CHCHD3: variants seen among roughly 807,000 people sequenced by gnomAD.
CHCHD3 encodes the protein coiled-coil-helix-coiled-coil-helix domain containing 3, also known as MICOS complex subunit MIC19.
CHCHD3 carries 20 observed loss-of-function variants against 38.2 expected under a neutral mutation model. The ratio of observed to expected loss-of-function variants is 0.52; its 90% confidence interval spans 0.37 to 0.76. The LOEUF is 0.76. Among genes scored for constraint, CHCHD3 ranks in the 30% least tolerant of loss-of-function variants. CHCHD3 has a pLI of 0.00. For missense variants in CHCHD3, 245 were observed against 279.2 expected (o/e 0.88, Z 0.87); for synonymous variants, 82 against 100.0 (o/e 0.82, Z 1.07).
rs116146690 is a variant in CHCHD3 at position 132,831,277 on chromosome 7, T to C, written c.524+7122A>G. Among the ~76,000 whole-genome samples, 442 of 152,312 alleles carry C rather than the reference T, an allele frequency of 2.9e-3. 1 individual carries two copies. The highest frequency in any genetic ancestry group is 0.01 in the African/African-American group (423 of 41,574). On this transcript the variant is annotated intron_variant, in intron 6 of 7. Transcript: ENST00000262570. ...AGCAGAAACCAAGTCAACTTGATCATTTAGAATTTGATCAATGTGAATTAG... is the reference window on the plus strand; with the variant it reads ...AGCAGAAACCAAGTCAACTTGATCACTTAGAATTTGATCAATGTGAATTAG...
At chr7:133,017,753 A>C (rs1813068390) in intron 3 of CHCHD3, among the ~76,000 whole-genome samples, 1 of 152,252 alleles carries the variant, frequency 6.6e-6, no homozygotes, top group Non-Finnish European at 1.5e-5. Context: ...ACAACAGTGT[A>C]GCATCAGTAG....
intron 4 of CHCHD3, among the ~76,000 whole-genome samples, chr7:132,928,278 T>C (rs1030352509): frequency 1.3e-5 from 2 of 152,270 alleles, no homozygotes; most frequent in East Asian, 1.9e-4. Context: ...CCAATTAACT[T>C]AGGGAAGCAA....
intron 4 of CHCHD3, among the ~76,000 whole-genome samples, chr7:132,945,703 T>C (rs1323781983): frequency 2.6e-5 from 4 of 151,892 alleles, no homozygotes; most frequent in Admixed American, 2.0e-4. Flanking sequence ...AAAGAACTTA[T>C]AAAAAGAAAA....
At chr7:132,987,005 T>A (rs1812140006) in intron 3 of CHCHD3, among the ~76,000 whole-genome samples, 1 of 152,204 alleles carries the variant, frequency 6.6e-6, no homozygotes, top group South Asian at 2.1e-4. Context: ...ATCAATGATT[T>A]GTCCCTGAAA....
intron 4 of CHCHD3, among the ~76,000 whole-genome samples, chr7:132,967,774 G>A (rs1811508528): frequency 6.0e-5 from 9 of 150,358 alleles, no homozygotes; most frequent in Admixed American, 6.0e-4. Context: ...AGGCTGCAAT[G>A]AGCCGTGATC....
chr7:132,803,030 A>G (rs1806830071), intron 6 of CHCHD3, among the ~76,000 whole-genome samples: 1 of 152,182 alleles, frequency 6.6e-6, no homozygotes, highest in African/African-American at 2.4e-5. Context: ...TAACGCTGTA[A>G]TAAAAACAAG....
intron 5 of CHCHD3, among the ~76,000 whole-genome samples, chr7:132,860,146 A>G (rs1044244116): frequency 6.6e-6 from 1 of 152,016 alleles, no homozygotes; most frequent in Non-Finnish European, 1.5e-5. Flanking sequence ...GATGGCGCGC[A>G]TCTGTAGTCC....
chr7:133,049,498 A>C (rs1814089010), intron 2 of CHCHD3, among the ~76,000 whole-genome samples: 1 of 152,232 alleles, frequency 6.6e-6, no homozygotes, highest in Non-Finnish European at 1.5e-5. Context: ...GAAGACTATA[A>C]TGTGCTTGTT....
At chr7:132,807,486 T>G (rs1806953652) in intron 6 of CHCHD3, among the ~76,000 whole-genome samples, 1 of 151,718 alleles carries the variant, frequency 6.6e-6, no homozygotes, top group Non-Finnish European at 1.5e-5. Context: ...TAATGAGTAA[T>G]GGAAAATGGA....
chr7:132,965,616 T>A (rs1021314330), intron 4 of CHCHD3, among the ~76,000 whole-genome samples: 2 of 152,070 alleles, frequency 1.3e-5, no homozygotes, highest in Non-Finnish European at 1.5e-5. Flanking sequence ...TTCCTGAGAG[T>A]CAAATATGTA....
At chr7:133,026,941 CT>C (rs762656963) in intron 2 of CHCHD3, among the ~76,000 whole-genome samples, 322 of 142,704 alleles carry the variant, frequency 2.3e-3, no homozygotes, top group Middle Eastern at 0.011. Context: ...TGAAAATATT[CT>C]TTTTTTTTTT....
At chr7:133,045,650 C>G (rs1331598575) in intron 2 of CHCHD3, among the ~76,000 whole-genome samples, 1 of 152,088 alleles carries the variant, frequency 6.6e-6, no homozygotes, top group African/African-American at 2.4e-5. Context: ...TTTTACCCTC[C>G]AGGATCTCGC....
intron 4 of CHCHD3, among the ~76,000 whole-genome samples, chr7:132,915,961 T>C (rs571254044): frequency 5.1e-4 from 77 of 152,006 alleles, no homozygotes; most frequent in African/African-American, 1.8e-3. Flanking sequence ...AAAAATTTTT[T>C]TTTTTTTTGG....
chr7:132,848,442 C>T (rs890947361), intron 5 of CHCHD3, among the ~76,000 whole-genome samples: 17 of 152,162 alleles, frequency 1.1e-4, no homozygotes, highest in Non-Finnish European at 2.2e-4. Flanking sequence ...GATACAATTC[C>T]AGGCACAGAA....
intron 4 of CHCHD3, among the ~76,000 whole-genome samples, chr7:132,925,505 C>T (rs960298606): frequency 1.3e-5 from 2 of 152,190 alleles, no homozygotes; most frequent in Admixed American, 6.5e-5. Flanking sequence ...TAATTAAATG[C>T]TTTATTTACA....
intron 2 of CHCHD3, among the ~76,000 whole-genome samples, chr7:133,060,745 C>T (rs968701055): frequency 3.3e-5 from 5 of 152,066 alleles, no homozygotes; most frequent in African/African-American, 7.2e-5. Context: ...CCCATGTCTA[C>T]TAAAAATACA....
chr7:133,011,550 T>C (rs1812874144), intron 3 of CHCHD3, among the ~76,000 whole-genome samples: 1 of 152,158 alleles, frequency 6.6e-6, no homozygotes, highest in Non-Finnish European at 1.5e-5. Flanking sequence ...CAGATGCCAG[T>C]GGTACCCCCA....
chr7:132,829,432 A>G (rs146226211), intron 6 of CHCHD3, among the ~76,000 whole-genome samples: 81 of 152,336 alleles, frequency 5.3e-4, no homozygotes, highest in African/African-American at 1.9e-3. Flanking sequence ...AGAAAGTTCA[A>G]TACTGATGTT....
Position 132,933,258 on chromosome 7 carries a change from G to A in CHCHD3, c.369+41911C>T, listed in dbSNP as rs186101786. Among the ~76,000 whole-genome samples the A allele has an allele frequency of 2.0e-4, 30 of 152,288 alleles. 1 individual carries two copies. Among genetic ancestry groups the A allele is most frequent in the Admixed American group, 1.7e-3 (26 of 15,292 alleles). On this transcript the variant is annotated intron_variant, in intron 4 of 7. Coordinates refer to ENST00000262570, the MANE Select transcript of CHCHD3 (RefSeq NM_017812.4). Reference sequence around the variant, plus strand: ...AATCTAATGGTAATCTCATTATGGTGACTCAAATTTAACTCTGGTTACTCT... The same window carrying A: ...AATCTAATGGTAATCTCATTATGGTAACTCAAATTTAACTCTGGTTACTCT...
Sources: allele counts gnomAD v4.1 joint callset (sites outside exome capture counted in the v4.1 genomes callset), GRCh38; gene constraint gnomAD v4.1.1; transcripts MANE v1.5; gene names NCBI Gene and HGNC (gene_info 2026-07-23, HGNC 2026-07-21).